ETFA: variants seen among roughly 807,000 people sequenced by gnomAD.
The protein encoded by ETFA is electron transfer flavoprotein subunit alpha, mitochondrial.
A neutral mutation model predicts 46.2 loss-of-function variants in ETFA; 22 were observed. The ratio of observed to expected loss-of-function variants is 0.48; its 90% CI spans 0.34 to 0.68. The LOEUF (loss-of-function observed/expected upper bound fraction) is 0.68. Among genes scored for constraint, ETFA ranks in the 30% least tolerant of loss-of-function variants. ETFA has a pLI of 0.01. For synonymous variants in ETFA, 131 were observed against 139.9 expected (o/e 0.94, Z 0.45); for missense variants, 345 against 401.1 (o/e 0.86, Z 1.19).
At chr15:76,309,229 C>T (rs2141561128) in intron 1 of ETFA, among the ~76,000 whole-genome samples, 1 of 152,308 alleles carries the variant, frequency 6.6e-6, no homozygotes, top group African/African-American at 2.4e-5. Context: ...GCGGGCGGAT[C>T]ATGAGGTCAG....
intron 10 of ETFA, 50 bp from the exon 11 acceptor site, chr15:76,225,979 A>C (rs1239563869): frequency 9.6e-7 from 1 of 1,038,962 alleles, no homozygotes; most frequent in Non-Finnish European, 1.5e-6. Flanking sequence ...AACATTTCAC[A>C]CAGACTGATA....
chr15:76,242,837 A>T (rs1159734990), intron 9 of ETFA, among the ~76,000 whole-genome samples: 1 of 152,268 alleles, frequency 6.6e-6, no homozygotes, highest in Non-Finnish European at 1.5e-5. Context: ...GCAAATTCAT[A>T]GAGACAGAAA....
At chr15:76,293,677 G>A (rs140038963) in intron 2 of ETFA, among the ~76,000 whole-genome samples, 1 of 152,184 alleles carries the variant, frequency 6.6e-6, no homozygotes, top group African/African-American at 2.4e-5. Context: ...CCTCCAAACT[G>A]ATTCATTGAT....
chr15:76,288,521 A>G (rs1005170507), intron 4 of ETFA, among the ~76,000 whole-genome samples: 1 of 152,126 alleles, frequency 6.6e-6, no homozygotes, highest in African/African-American at 2.4e-5. Flanking sequence ...TGTGGCCAAC[A>G]TGGTGAAACA....
intron 9 of ETFA, among the ~76,000 whole-genome samples, chr15:76,243,545 C>A (rs1261566408): frequency 1.4e-5 from 2 of 144,036 alleles, no homozygotes; most frequent in African/African-American, 2.4e-5. Context: ...CGCCAGTAAT[C>A]CTAGCACTTT....
At chr15:76,229,557 G>T (rs2039043362) in intron 10 of ETFA, among the ~76,000 whole-genome samples, 1 of 152,172 alleles carries the variant, frequency 6.6e-6, no homozygotes, top group Non-Finnish European at 1.5e-5. Flanking sequence ...GTCTGAACTG[G>T]TCTGGCTAAA....
At chr15:76,250,471 G>A (rs1361724224) in intron 9 of ETFA, among the ~76,000 whole-genome samples, 2 of 152,016 alleles carry the variant, frequency 1.3e-5, no homozygotes, top group African/African-American at 4.8e-5. Context: ...ACTGCTTAGG[G>A]ATCTGTAGAT....
chr15:76,296,392 G>A (rs1238818235), intron 1 of ETFA, among the ~76,000 whole-genome samples: 1 of 152,030 alleles, frequency 6.6e-6, no homozygotes, highest in African/African-American at 2.4e-5. Context: ...TCCTTAAACA[G>A]AACATATTAA....
rs151096502 is a variant in ETFA, at chr15:76,294,490, T to C, written c.186+1101A>G. On this transcript the variant is annotated intron_variant, in intron 2 of 11. Coordinates refer to ENST00000557943, the MANE Select transcript of ETFA (RefSeq NM_000126.4). ...TCTTTTATCAATTTCATGTAAAAAA[T>C]TAGACAGAAGCAACACCAGCAGTAT... Among the ~76,000 whole-genome samples, 177 of 152,284 alleles carry C rather than the reference T, an allele frequency of 1.2e-3. 1 individual carries two copies. The highest frequency in any genetic ancestry group is 4.1e-3 in the African/African-American group (170 of 41,550).
chr15:76,294,328 T>C lies in ETFA; in HGVS notation c.186+1263A>G, dbSNP rs371951315. Among the ~76,000 whole-genome samples the C allele has an allele frequency of 7.2e-5, 11 of 152,320 alleles. No individual in the cohort carries two copies. The East Asian group carries it at 1.7e-3, about 24-fold the overall frequency. ...CTTAGCCATCATATACTGTGGCTAA[T>C]ACAGACATACAAATAGATAGCTTAG... On this transcript the variant is annotated intron_variant, in intron 2 of 11. Coordinates refer to ENST00000557943, the MANE Select transcript of ETFA (RefSeq NM_000126.4).
intron 10 of ETFA, chr15:76,228,240 G>A (rs1246980307): frequency 2.9e-6 from 1 of 344,474 alleles, no homozygotes; most frequent in African/African-American, 2.2e-5. Flanking sequence ...AGGCTGGAGT[G>A]CAGTGGTACA....
At chr15:76,276,567 T>C (rs1300946474) in intron 8 of ETFA, among the ~76,000 whole-genome samples, 1 of 152,176 alleles carries the variant, frequency 6.6e-6, no homozygotes, top group East Asian at 1.9e-4. Context: ...TTACATGTTA[T>C]ACTCTTAGAA....
At chr15:76,217,008 G>C (rs1270345013) in intron 11 of ETFA, among the ~76,000 whole-genome samples, 1 of 151,724 alleles carries the variant, frequency 6.6e-6, no homozygotes, top group African/African-American at 2.4e-5. Context: ...GTAGAGATGG[G>C]GTATCGTCAT....
chr15:76,259,249 A>G (rs1000527029), intron 9 of ETFA: 77 of 1,559,684 alleles, frequency 4.9e-5, no homozygotes, highest in Non-Finnish European at 6.5e-5. Flanking sequence ...ATGTTGATGT[A>G]TAAGGGGTCC....
intron 11 of ETFA, among the ~76,000 whole-genome samples, chr15:76,218,578 AC>A (rs1025410794): frequency 2.6e-5 from 4 of 152,164 alleles, no homozygotes; most frequent in African/African-American, 9.7e-5. Context: ...GCCCAACTGC[AC>A]ACCTTTAAAG....
intron 9 of ETFA, among the ~76,000 whole-genome samples, chr15:76,263,273 C>T (rs370980277): frequency 2.6e-5 from 4 of 152,162 alleles, no homozygotes; most frequent in South Asian, 2.1e-4. Flanking sequence ...CCTTTGACTC[C>T]GCCGGACTTT....
chr15:76,292,376 G>A, intron 4 of ETFA, 55 bp downstream of exon 4: 1 of 1,207,856 alleles, frequency 8.3e-7, no homozygotes, highest in Admixed American at 1.7e-5. Flanking sequence ...TCAGCACAAT[G>A]AAATCTAACC....
intron 1 of ETFA, among the ~76,000 whole-genome samples, chr15:76,310,823 A>G (rs56372945): frequency 0.14 from 21,446 of 151,882 alleles, 1,629 homozygotes; most frequent in African/African-American, 0.2. Flanking sequence ...ACCAGCTTCC[A>G]TAACTGGCCA....
In ETFA at chr15:76,237,174, T is replaced by C. The variant is rs545370741; in HGVS notation, c.817-5776A>G. ...TTCAAGCGATTTTCGTGCCTCAGCC[T>C]CCTGAGTAGCTGGGATTACAGGAAC... On this transcript the variant is annotated intron_variant, in intron 9 of 11. Coordinates refer to ENST00000557943, the MANE Select transcript of ETFA (RefSeq NM_000126.4). Among the ~76,000 whole-genome samples the C allele has an allele frequency of 2.0e-5, 3 of 152,292 alleles. No individual in the cohort carries two copies. In the South Asian group the frequency reaches 6.2e-4, roughly 32 times the overall value.
Sources: allele counts gnomAD v4.1 joint callset (sites outside exome capture counted in the v4.1 genomes callset), GRCh38; gene constraint gnomAD v4.1.1; transcripts MANE v1.5; gene names NCBI Gene and HGNC (gene_info 2026-07-23, HGNC 2026-07-21).